PCDH15: variants seen among roughly 807,000 people sequenced by gnomAD.
PCDH15 encodes the protein protocadherin related 15.
A neutral mutation model predicts 178.5 loss-of-function variants in PCDH15; 129 were observed. That is an observed-to-expected ratio of 0.72 (90% CI 0.63 to 0.84). PCDH15 has a LOEUF of 0.84. PCDH15 is among the 40% of genes least tolerant of loss of function. PCDH15 has a pLI of 0.00. For synonymous variants in PCDH15, 800 were observed against 732.0 expected (o/e 1.09, Z -1.50); for missense variants, 2,230 against 2,099.9 (o/e 1.06, Z -1.21).
chr10:54,353,507 T>A (rs1944481682), intron 5 of PCDH15, among the ~76,000 whole-genome samples: 1 of 152,180 alleles, frequency 6.6e-6, no homozygotes, highest in African/African-American at 2.4e-5. Flanking sequence ...TATCACACTG[T>A]AAAATTTCCT....
chr10:55,074,458 G>C (rs1346065770), intron 2 of PCDH15, among the ~76,000 whole-genome samples: 1 of 152,130 alleles, frequency 6.6e-6, no homozygotes, highest in African/African-American at 2.4e-5. Flanking sequence ...TTTCTCTAAT[G>C]ATCAGTGATG....
intron 1 of PCDH15, among the ~76,000 whole-genome samples, chr10:55,228,394 G>C (rs978593253): frequency 6.6e-6 from 1 of 151,984 alleles, no homozygotes. Flanking sequence ...TATAGGAGTA[G>C]TATGGGGAAT....
intron 2 of PCDH15, among the ~76,000 whole-genome samples, chr10:55,366,912 C>A (rs1038875981): frequency 1.6e-5 from 2 of 121,300 alleles, no homozygotes; most frequent in Middle Eastern, 3.9e-3. Context: ...GTGTGTGTTT[C>A]ATTTGTTTGC....
At chr10:55,209,163 T>C (rs1840490541) in intron 1 of PCDH15, among the ~76,000 whole-genome samples, 1 of 152,052 alleles carries the variant, frequency 6.6e-6, no homozygotes, top group South Asian at 2.1e-4. Context: ...AAGAAAGACC[T>C]TGTAACATGA....
At chr10:55,627,109 C>G (rs919570793) in intron 2 of PCDH15, among the ~76,000 whole-genome samples, 4 of 151,988 alleles carry the variant, frequency 2.6e-5, no homozygotes, top group African/African-American at 9.7e-5. Flanking sequence ...TTGATATCCT[C>G]CAACTTAAAA....
intron 2 of PCDH15, among the ~76,000 whole-genome samples, chr10:55,481,426 G>A (rs1840178542): frequency 6.6e-6 from 1 of 151,058 alleles, no homozygotes; most frequent in Admixed American, 6.6e-5. Flanking sequence ...TTGCAATGTT[G>A]GGTTGCTGAC....
At chr10:55,474,274 T>C (rs1205870147) in intron 2 of PCDH15, among the ~76,000 whole-genome samples, 1 of 152,132 alleles carries the variant, frequency 6.6e-6, no homozygotes, top group African/African-American at 2.4e-5. Flanking sequence ...CTTACTACAG[T>C]ACATTACACT....
At chr10:53,997,048 C>T (rs1179317619) in intron 20 of PCDH15, among the ~76,000 whole-genome samples, 1 of 152,054 alleles carries the variant, frequency 6.6e-6, no homozygotes, top group East Asian at 1.9e-4. Flanking sequence ...TCAAACAATG[C>T]TTCCTTTTAT....
intron 21 of PCDH15, among the ~76,000 whole-genome samples, chr10:53,992,051 AGCTGTAACACTT>A (rs1490402248): frequency 6.6e-6 from 1 of 151,794 alleles, no homozygotes; most frequent in Non-Finnish European, 1.5e-5. Flanking sequence ...TGCCTTTATG[AGCTGTAACACTT>A]GCTGCGAAGG....
Position 54,352,503 on chromosome 10 carries a change from A to G in PCDH15, c.475-6019T>C, listed in dbSNP as rs371105170. 4.9e-4 allele frequency among the ~76,000 whole-genome samples: 74 copies of G among 152,280 alleles called. No homozygotes were observed. The South Asian group carries it at 0.013, about 27-fold the overall frequency. ...TTCTCCTACCCAGGAAAAATGGAGA[A>G]TATCTGAAGGATACTGAATTTTAGA... On this transcript the variant is annotated intron_variant, in intron 5 of 37. Transcript: ENST00000644397.
intron 18 of PCDH15, among the ~76,000 whole-genome samples, chr10:54,031,511 G>C (rs186447042): frequency 3.3e-5 from 5 of 151,476 alleles, no homozygotes; most frequent in African/African-American, 1.2e-4. Context: ...CAATGTATGA[G>C]AAGTGGAAAG....
intron 2 of PCDH15, among the ~76,000 whole-genome samples, chr10:55,031,003 A>AT (rs35337529): frequency 0.49 from 74,351 of 151,468 alleles, 19,181 homozygotes; most frequent in East Asian, 0.74. Flanking sequence ...AGAAATGCAG[A>AT]TTTTTTTTTC....
At chr10:54,852,037 T>C (rs543081269) in intron 3 of PCDH15, among the ~76,000 whole-genome samples, 2 of 152,306 alleles carry the variant, frequency 1.3e-5, no homozygotes, top group South Asian at 2.1e-4. Flanking sequence ...ATTTAATACA[T>C]ACATTGCTGC....
chr10:55,154,759 A>G (rs923959402), intron 2 of PCDH15, among the ~76,000 whole-genome samples: 1 of 152,138 alleles, frequency 6.6e-6, no homozygotes, highest in East Asian at 1.9e-4. Flanking sequence ...TCAAGTATGC[A>G]CATTTAAGAA....
At chr10:54,124,934 G>A (rs2041864851) in intron 15 of PCDH15, among the ~76,000 whole-genome samples, 1 of 152,152 alleles carries the variant, frequency 6.6e-6, no homozygotes, top group South Asian at 2.1e-4. Context: ...AACTGTTTTG[G>A]AACAAGATCA....
intron 32 of PCDH15, chr10:53,825,246 T>C (rs2076601153): frequency 7.5e-7 from 1 of 1,337,602 alleles, no homozygotes; most frequent in Admixed American, 3.1e-5. Flanking sequence ...GAACTTGCTT[T>C]AAACAAACAC....
intron 2 of PCDH15, among the ~76,000 whole-genome samples, chr10:54,542,006 G>A (rs936257549): frequency 2.0e-5 from 3 of 152,070 alleles, no homozygotes; most frequent in Admixed American, 6.6e-5. Context: ...AAAGCAAACT[G>A]TATGGATTAA....
At chr10:54,158,849 T>C (rs1466515246) in intron 13 of PCDH15, among the ~76,000 whole-genome samples, 24 of 152,268 alleles carry the variant, frequency 1.6e-4, no homozygotes, top group African/African-American at 5.8e-4. Flanking sequence ...GGCTCACGCT[T>C]GTAATTCCAG....
chr10:54,724,448 G>T (rs1942143144), intron 1 of PCDH15, among the ~76,000 whole-genome samples: 1 of 151,404 alleles, frequency 6.6e-6, no homozygotes, highest in Non-Finnish European at 1.5e-5. Context: ...TTTGGCTAAT[G>T]GATAGAGTAG....
Sources: gnomAD v4.1 joint callset for allele counts (sites outside exome capture counted in the v4.1 genomes callset) on GRCh38, gnomAD v4.1.1 for gene constraint, MANE v1.5 for transcripts, NCBI Gene and HGNC (gene_info 2026-07-23, HGNC 2026-07-21) for gene names.